ANKRD55: variants seen among roughly 807,000 people sequenced by gnomAD.
The protein encoded by ANKRD55 is ankyrin repeat domain-containing protein 55.
ANKRD55 carries 41 observed loss-of-function variants against 60.6 expected under a neutral mutation model. The observed-to-expected ratio is 0.68, with a 90% CI of 0.53 to 0.88. The LOEUF (loss-of-function observed/expected upper bound fraction) is 0.88, where lower values mean the gene tolerates loss of function less well. ANKRD55 is among the 40% of genes least tolerant of loss of function. ANKRD55 has a pLI of 0.00. For synonymous variants in ANKRD55, 264 were observed against 290.3 expected (o/e 0.91, Z 0.92); for missense variants, 732 against 767.6 (o/e 0.95, Z 0.55).
At chr5:56,217,409 G>T (rs904969564) in intron 2 of ANKRD55, among the ~76,000 whole-genome samples, 7 of 152,160 alleles carry the variant, frequency 4.6e-5, no homozygotes, top group Non-Finnish European at 8.8e-5. Context: ...GCAGCCCATG[G>T]ATCAAGGAGT....
At chr5:56,180,937 A>T (rs1758837244) in intron 3 of ANKRD55, among the ~76,000 whole-genome samples, 1 of 152,184 alleles carries the variant, frequency 6.6e-6, no homozygotes, top group Non-Finnish European at 1.5e-5. Context: ...AGTGGCTCAC[A>T]CCTGTAATCC....
chr5:56,158,037 C>T (rs112683513), intron 6 of ANKRD55, among the ~76,000 whole-genome samples: 2 of 152,104 alleles, frequency 1.3e-5, no homozygotes, highest in African/African-American at 4.8e-5. Context: ...AAAAATTAGC[C>T]GAGCATAGTG....
chr5:56,153,262 AAACAAC>A (rs75381532), intron 6 of ANKRD55, among the ~76,000 whole-genome samples: 42,141 of 151,510 alleles, frequency 0.28, 5,962 homozygotes, highest in African/African-American at 0.31. Flanking sequence ...CTTCCACTAA[AAACAAC>A]AACAACAACA....
chr5:56,169,467 C>T (rs1177631731), intron 5 of ANKRD55, among the ~76,000 whole-genome samples: 1 of 151,238 alleles, frequency 6.6e-6, no homozygotes, highest in South Asian at 2.1e-4. Context: ...AGGGAGTCAT[C>T]CCCTCACGAT....
chr5:56,111,279 A>G lies in ANKRD55; in HGVS notation c.1469T>C (p.Leu490Pro). ...AGAATCACTCTTCCAGGGGTTATCT[A>G]GTAACATCTGGCAGCCAGTTCTGTT... is the stretch of plus-strand genomic sequence containing the variant. ...LNNRTGCQML[L>P]DNPWKSDSNQ... The change falls in exon 10 of 12, where the codon CTA becomes CCA. Residue 490 changes from leucine to proline, a missense_variant. Leu to Pro is a moderately conservative substitution (Grantham distance 98, BLOSUM62 -3). Coordinates refer to ENST00000341048, the MANE Select transcript of ANKRD55 (RefSeq NM_024669.3). 1 of 1,614,200 alleles carries G rather than the reference A, an allele frequency of 6.2e-7. No individual in the cohort carries two copies. Among genetic ancestry groups the G allele is most frequent in the Non-Finnish European group, 8.5e-7 (1 of 1,180,034 alleles).
At chr5:56,137,725 A>G (rs1393013828) in intron 7 of ANKRD55, among the ~76,000 whole-genome samples, 1 of 152,212 alleles carries the variant, frequency 6.6e-6, no homozygotes, top group Non-Finnish European at 1.5e-5. Context: ...GACACTGCCA[A>G]AAGAATAACA....
intron 6 of ANKRD55, among the ~76,000 whole-genome samples, chr5:56,145,544 G>A (rs1757876540): frequency 6.6e-6 from 1 of 152,192 alleles, no homozygotes; most frequent in Non-Finnish European, 1.5e-5. Context: ...GCAAGAAATA[G>A]GCCTTTATTG....
chr5:56,115,972 A>G (rs1362969999), intron 9 of ANKRD55, among the ~76,000 whole-genome samples: 26 of 151,990 alleles, frequency 1.7e-4, no homozygotes, highest in Non-Finnish European at 1.5e-5. Context: ...CTCTTGCCTC[A>G]GCCTCCCAAG....
intron 4 of ANKRD55, among the ~76,000 whole-genome samples, chr5:56,171,242 G>A (rs546617155): frequency 6.6e-6 from 1 of 152,272 alleles, no homozygotes; most frequent in Non-Finnish European, 1.5e-5. Flanking sequence ...GCAATGGCTG[G>A]GACCCTGCCA....
intron 2 of ANKRD55, among the ~76,000 whole-genome samples, chr5:56,207,743 G>A (rs557192056): frequency 6.6e-5 from 10 of 152,218 alleles, no homozygotes; most frequent in Non-Finnish European, 4.4e-5. Flanking sequence ...AGGACGGGAT[G>A]TTGCTCTGGG....
At chr5:56,146,477 G>A (rs181708389) in intron 6 of ANKRD55, among the ~76,000 whole-genome samples, 8 of 152,050 alleles carry the variant, frequency 5.3e-5, no homozygotes, top group Admixed American at 3.9e-4. Context: ...GTAGAGACAG[G>A]TTTCACCATG....
chr5:56,181,395 C>T (rs1758846243), intron 3 of ANKRD55, among the ~76,000 whole-genome samples: 1 of 151,968 alleles, frequency 6.6e-6, no homozygotes, highest in Admixed American at 6.6e-5. Context: ...TCGTCTATTC[C>T]TATTTTTCTG....
intron 3 of ANKRD55, among the ~76,000 whole-genome samples, chr5:56,181,510 A>G (rs1440761333): frequency 6.6e-6 from 1 of 152,192 alleles, no homozygotes; most frequent in Non-Finnish European, 1.5e-5. Context: ...TCGGTGGATT[A>G]CATTGACTTT....
chr5:56,099,823 T>C lies in ANKRD55; in HGVS notation c.*360A>G, dbSNP rs947201439. 10 of 164,264 alleles carry C rather than the reference T, an allele frequency of 6.1e-5. No homozygotes were observed. The highest frequency in any genetic ancestry group is 1.3e-4 in the Non-Finnish European group (10 of 76,088). 10.2% of individuals were successfully genotyped at this position (164,264 alleles called of 1,614,324 possible). On this transcript the variant is annotated 3_prime_UTR_variant, in exon 12 of 12. Transcript: ENST00000341048. ...TTTATTCAGCAAAGCGTACTTTTTT[T>C]CCCAAAACATAAAATCATTCAGCAA...
In ANKRD55 at chr5:56,111,343, G is replaced by A. The variant is rs758658684; in HGVS notation, c.1405C>T (p.Arg469Ter). ...LSSAPHHMAQ[R>*]SQKSRSEQDL... ...TGCTCACTTCGACTTTTCTGAGATC[G>A]CTGGGCCATATGATGAGGAGCAGAG... Residue 469 changes from arginine to a stop codon, truncating the protein, a stop_gained, in exon 10 of 12, where the codon CGA becomes TGA. Coordinates refer to ENST00000341048, the MANE Select transcript of ANKRD55 (RefSeq NM_024669.3). LOFTEE classifies it high-confidence loss of function. 1.2e-6 allele frequency: 2 copies of A among 1,614,120 alleles called. No individual in the cohort carries two copies. Among genetic ancestry groups the A allele is most frequent in the Admixed American group, 1.7e-5 (1 of 60,022 alleles).
chr5:56,128,208 C>T (rs191583404), intron 7 of ANKRD55, among the ~76,000 whole-genome samples: 4 of 152,154 alleles, frequency 2.6e-5, no homozygotes, highest in Non-Finnish European at 5.9e-5. Flanking sequence ...TTTACAATTT[C>T]CTGGAAGAGT....
intron 7 of ANKRD55, chr5:56,137,200 A>G: frequency 6.2e-7 from 1 of 1,610,172 alleles, no homozygotes; most frequent in Non-Finnish European, 8.5e-7. Context: ...CAGGCCAAGC[A>G]GTGGGGCTGG....
In ANKRD55 at chr5:56,159,821, AGT is replaced by A; in HGVS notation, c.483+10_483+11del. The A allele has an allele frequency of 6.2e-7, 1 of 1,613,410 alleles. No homozygotes were observed. The highest frequency in any genetic ancestry group is 1.3e-5 in the African/African-American group (1 of 74,996). Reference sequence around the variant, plus strand: ...GCAAAATGACCACTTGTTGCTTGAGAGTGTGGCTCACCTCATTGTCCTGGTGA... The same window carrying A: ...GCAAAATGACCACTTGTTGCTTGAGAGTGGCTCACCTCATTGTCCTGGTGA... On this transcript the variant is annotated intron_variant, in intron 6 of 11. Coordinates refer to ENST00000341048, the MANE Select transcript of ANKRD55 (RefSeq NM_024669.3).
intron 5 of ANKRD55, among the ~76,000 whole-genome samples, chr5:56,164,882 A>G (rs1305243501): frequency 2.0e-5 from 3 of 152,170 alleles, no homozygotes; most frequent in Non-Finnish European, 4.4e-5. Context: ...ATGATTATAA[A>G]TCACTTATCC....
Sources: allele counts gnomAD v4.1 joint callset (sites outside exome capture counted in the v4.1 genomes callset), GRCh38; gene constraint gnomAD v4.1.1; transcripts MANE v1.5; gene names NCBI Gene and HGNC (gene_info 2026-07-23, HGNC 2026-07-21).